The following LPP variants were observed in gnomAD, a reference collection of about 807,000 sequenced individuals.
LPP encodes the protein LIM domain containing preferred translocation partner in lipoma, also known as lipoma-preferred partner.
LPP carries 38 observed loss-of-function variants against 60.4 expected under a neutral mutation model. That is an observed-to-expected ratio of 0.63 (90% CI 0.49 to 0.83). LPP has a LOEUF of 0.83. Ranked by LOEUF, LPP falls within the 40% of genes least tolerant of loss-of-function variation. The pLI is 0.00. For missense variants in LPP, 902 were observed against 783.6 expected (o/e 1.15, Z -1.80); for synonymous variants, 328 against 290.8 (o/e 1.13, Z -1.30).
chr3:188,543,173 T>A (rs148783371), intron 6 of LPP, among the ~76,000 whole-genome samples: 1 of 152,178 alleles, frequency 6.6e-6, no homozygotes, highest in Non-Finnish European at 1.5e-5. Context: ...GGCCATGTCC[T>A]GCCTTTAATC....
At chr3:188,835,370 T>C (rs1197045992) in intron 9 of LPP, among the ~76,000 whole-genome samples, 1 of 146,394 alleles carries the variant, frequency 6.8e-6, no homozygotes, top group Non-Finnish European at 1.5e-5. Context: ...TCAGGAGCTG[T>C]AGTCCTAGCA....
At chr3:188,192,075 A>T (rs1311358195) in intron 1 of LPP, among the ~76,000 whole-genome samples, 1 of 152,172 alleles carries the variant, frequency 6.6e-6, no homozygotes, top group African/African-American at 2.4e-5. Flanking sequence ...ATATTTTAGC[A>T]ACCTGTGTTG....
chr3:188,240,196 T>G (rs532534553), intron 2 of LPP: 4 of 180,798 alleles, frequency 2.2e-5, no homozygotes, highest in Middle Eastern at 2.1e-3. Flanking sequence ...TCTGTGTGTT[T>G]CATTTTCCTT....
chr3:188,262,448 A>G (rs1416135240), intron 2 of LPP, among the ~76,000 whole-genome samples: 1 of 152,084 alleles, frequency 6.6e-6, no homozygotes, highest in African/African-American at 2.4e-5. Flanking sequence ...CTACTGTGAC[A>G]TTTTATTTGT....
At chr3:188,459,170 T>C (rs993097800) in intron 4 of LPP, among the ~76,000 whole-genome samples, 21 of 152,274 alleles carry the variant, frequency 1.4e-4, no homozygotes, top group Non-Finnish European at 2.9e-4. Context: ...AAGTTTATTA[T>C]AGCTAATACT....
At chr3:188,512,592 T>TAAATAAATAAAG (rs1202000749) in intron 5 of LPP, among the ~76,000 whole-genome samples, 1 of 151,402 alleles carries the variant, frequency 6.6e-6, no homozygotes, top group African/African-American at 2.4e-5. Flanking sequence ...AATAAATAAA[T>TAAATAAATAAAG]AAAGTTCCCA....
intron 1 of LPP, chr3:188,178,563 A>C: frequency 6.6e-6 from 1 of 152,244 alleles, no homozygotes; most frequent in East Asian, 1.9e-4. Flanking sequence ...TTAAACTTCT[A>C]GCAATCATTT....
intron 8 of LPP, among the ~76,000 whole-genome samples, chr3:188,719,251 A>G (rs1348291618): frequency 6.6e-6 from 1 of 152,156 alleles, no homozygotes; most frequent in Admixed American, 6.5e-5. Context: ...GTACCACCAC[A>G]ATTTTCTTCT....
intron 3 of LPP, among the ~76,000 whole-genome samples, chr3:188,343,964 A>G (rs955727096): frequency 6.6e-6 from 1 of 152,204 alleles, no homozygotes; most frequent in Non-Finnish European, 1.5e-5. Context: ...TCTGCTCTCA[A>G]CGTTGATCCA....
In LPP at chr3:188,883,761, G is replaced by C. The variant is rs1185041510; in HGVS notation, c.*9282G>C. On this transcript the variant is annotated 3_prime_UTR_variant, in exon 12 of 12. Coordinates refer to ENST00000617246, the MANE Select transcript of LPP (RefSeq NM_001375462.1). The stretch of plus-strand genomic sequence containing the variant: ...AAAAAAAAAAAAAAAAAAAGGTTGG[G>C]AAATATTGGTGTATAATCCCCATGT... 5.5e-6 allele frequency: 1 copy of C among 182,456 alleles called. No homozygotes were observed. The highest frequency in any genetic ancestry group is 8.3e-5 in the East Asian group (1 of 12,084). 11.3% of individuals were successfully genotyped at this position (182,456 alleles called of 1,614,324 possible).
chr3:188,293,795 T>C (rs1027501813), intron 2 of LPP, among the ~76,000 whole-genome samples: 5 of 152,114 alleles, frequency 3.3e-5, no homozygotes, highest in African/African-American at 1.2e-4. Flanking sequence ...CCGGGCACCA[T>C]GGCTCATGCT....
intron 9 of LPP, among the ~76,000 whole-genome samples, chr3:188,815,962 G>A (rs148145067): frequency 1.6e-4 from 24 of 152,178 alleles, no homozygotes; most frequent in African/African-American, 5.5e-4. Context: ...GACAGGATCC[G>A]AAAGTAAATT....
chr3:188,476,767 C>G (rs903436672), intron 4 of LPP, among the ~76,000 whole-genome samples: 1 of 151,816 alleles, frequency 6.6e-6, no homozygotes, highest in African/African-American at 2.4e-5. Flanking sequence ...ATAAAAGGAA[C>G]CTGAAGTTTA....
At chr3:188,658,025 A>G (rs1340505259) in intron 7 of LPP, among the ~76,000 whole-genome samples, 1 of 152,108 alleles carries the variant, frequency 6.6e-6, no homozygotes, top group African/African-American at 2.4e-5. Context: ...TACTTGACAT[A>G]TTTGTTTATC....
intron 2 of LPP, among the ~76,000 whole-genome samples, chr3:188,253,052 C>T (rs970858541): frequency 2.7e-5 from 4 of 149,578 alleles, no homozygotes; most frequent in Admixed American, 6.7e-5. Context: ...TGATTACAGG[C>T]GTGAGCCACT....
intron 5 of LPP, among the ~76,000 whole-genome samples, chr3:188,523,796 A>G (rs1251796301): frequency 6.6e-6 from 1 of 152,220 alleles, no homozygotes; most frequent in Non-Finnish European, 1.5e-5. Flanking sequence ...TGAAGTTTTA[A>G]GAGCTTCTTC....
chr3:188,311,187 GCTCTCTCT>G (rs10662292), intron 2 of LPP, among the ~76,000 whole-genome samples: 2 of 148,408 alleles, frequency 1.3e-5, no homozygotes, highest in African/African-American at 2.5e-5. Context: ...TATTTTATAT[GCTCTCTCT>G]CTCTCTCTCT....
intron 5 of LPP, among the ~76,000 whole-genome samples, chr3:188,519,523 C>T (rs1299093515): frequency 1.3e-5 from 2 of 152,138 alleles, no homozygotes; most frequent in Non-Finnish European, 1.5e-5. Flanking sequence ...GATAAAAGAA[C>T]ACTACTGGCA....
At chr3:188,490,091 GAT>G in intron 5 of LPP, among the ~76,000 whole-genome samples, 1 of 152,234 alleles carries the variant, frequency 6.6e-6, no homozygotes, top group African/African-American at 2.4e-5. Flanking sequence ...GTCCCTTTAT[GAT>G]GTCCTCATAT....
Sources: allele counts gnomAD v4.1 joint callset (sites outside exome capture counted in the v4.1 genomes callset), GRCh38; gene constraint gnomAD v4.1.1; transcripts MANE v1.5; gene names NCBI Gene and HGNC (gene_info 2026-07-23, HGNC 2026-07-21).